Variants in TMEM178A observed in about 807,000 individuals in gnomAD.
TMEM178A encodes transmembrane protein 178.
In TMEM178A, 12 loss-of-function variants were observed where a neutral mutation model predicts 29.1. The observed-to-expected ratio is 0.41, with a 90% CI of 0.26 to 0.67. TMEM178A has a LOEUF of 0.67. Among genes scored for constraint, TMEM178A ranks in the 30% least tolerant of loss-of-function variants. TMEM178A has a pLI of 0.29. For missense variants in TMEM178A, 366 were observed against 419.1 expected, an observed-to-expected ratio of 0.87 and a Z score of 1.11; for synonymous variants, 210 against 187.2, an observed-to-expected ratio of 1.12 and a Z score of -0.99.
At chr2:39,731,993 G>A in the TMEM178A span, among the ~76,000 whole-genome samples, 1 of 152,032 alleles carries the variant, frequency 6.6e-6, no homozygotes, top group Non-Finnish European at 1.5e-5. Flanking sequence ...CCTATATTGG[G>A]GTCTAGTATA....
At chr2:39,730,570 C>T in the TMEM178A span, among the ~76,000 whole-genome samples, 1 of 152,082 alleles carries the variant, frequency 6.6e-6, no homozygotes, top group South Asian at 2.1e-4. Context: ...TCATGGTTGC[C>T]CTGTAAGAAA....
chr2:39,719,494 G>A (rs1384714109), downstream of TMEM178A, among the ~76,000 whole-genome samples: 1 of 152,310 alleles, frequency 6.6e-6, no homozygotes, highest in Admixed American at 6.5e-5. Flanking sequence ...AAGTGAGCTC[G>A]AAGCAACCAA....
the TMEM178A span, among the ~76,000 whole-genome samples, chr2:39,727,148 T>C: frequency 1.3e-5 from 2 of 152,202 alleles, no homozygotes; most frequent in African/African-American, 4.8e-5. Flanking sequence ...AGGATATTCC[T>C]CTATCTCAGA....
At chr2:39,721,544 G>T (rs902425907), downstream of TMEM178A, among the ~76,000 whole-genome samples, 2 of 152,122 alleles carry the variant, frequency 1.3e-5, no homozygotes, top group African/African-American at 4.8e-5. Flanking sequence ...CAGGACCATG[G>T]GTCTAGAGCA....
chr2:39,688,440 C>T (rs1302432842), intron 1 of TMEM178A, among the ~76,000 whole-genome samples: 1 of 152,264 alleles, frequency 6.6e-6, no homozygotes, highest in African/African-American at 2.4e-5. Context: ...CTTCCTGCTG[C>T]TGCCACTAAT....
chr2:39,689,285 A>T (rs1671214620), intron 1 of TMEM178A, among the ~76,000 whole-genome samples: 1 of 152,178 alleles, frequency 6.6e-6, no homozygotes, highest in African/African-American at 2.4e-5. Flanking sequence ...GAAATTGCTA[A>T]AGCCATTAAT....
At chr2:39,703,138 G>A (rs945672985) in intron 1 of TMEM178A, among the ~76,000 whole-genome samples, 1 of 151,928 alleles carries the variant, frequency 6.6e-6, no homozygotes, top group African/African-American at 2.4e-5. Context: ...TTTTTTAAAT[G>A]GCTGGCAGTG....
intron 2 of TMEM178A, among the ~76,000 whole-genome samples, chr2:39,706,540 A>C (rs968316473): frequency 1.3e-5 from 2 of 152,210 alleles, no homozygotes; most frequent in African/African-American, 4.8e-5. Flanking sequence ...GATCAGATAA[A>C]ACCCTATTTC....
At chr2:39,732,406 G>A in the TMEM178A span, among the ~76,000 whole-genome samples, 1 of 152,118 alleles carries the variant, frequency 6.6e-6, no homozygotes, top group Non-Finnish European at 1.5e-5. Context: ...CATGAGTGCC[G>A]TCAGCCATGT....
At chr2:39,728,244 T>C in the TMEM178A span, among the ~76,000 whole-genome samples, 2 of 152,220 alleles carry the variant, frequency 1.3e-5, no homozygotes, top group East Asian at 1.9e-4. Flanking sequence ...TTTTTAATGA[T>C]TGCCATTCTA....
At chr2:39,735,700 T>C in the TMEM178A span, among the ~76,000 whole-genome samples, 2 of 152,200 alleles carry the variant, frequency 1.3e-5, no homozygotes, top group Non-Finnish European at 2.9e-5. Context: ...AAAAATGAAA[T>C]GTATTCAAGA....
Position 39,707,061 on chromosome 2 carries a change from T to C in TMEM178A, c.527T>C (p.Ile176Thr). 6.2e-7 allele frequency: 1 copy of C among 1,604,760 alleles called. No individual in the cohort carries two copies. Among genetic ancestry groups the C allele is most frequent in the Non-Finnish European group, 8.5e-7 (1 of 1,177,358 alleles). Residue 176 changes from isoleucine (I) to threonine (T), a missense_variant, in exon 3 of 4, where the codon ATC becomes ACC. Around this residue, in one of 2 missense-constraint regions of TMEM178A, gnomAD observed 119 missense variants for 172.2 expected, o/e 0.69. Coordinates refer to ENST00000281961, the MANE Select transcript of TMEM178A (RefSeq NM_152390.3). The part of the protein sequence containing the change: ...DEWHLLHLRR[I>T]TAGFLGMAVA... ...GTTTTGAGATTAGATTTAAGAAGAA[T>C]CACTGCTGGCTTCCTCGGCATGGCC...
intron 1 of TMEM178A, among the ~76,000 whole-genome samples, chr2:39,674,523 G>A (rs1250108632): frequency 6.6e-6 from 1 of 152,062 alleles, no homozygotes; most frequent in Non-Finnish European, 1.5e-5. Flanking sequence ...AGGAAGAGCG[G>A]GAGTGGGGCG....
At chr2:39,699,616 C>T (rs1671695863) in intron 1 of TMEM178A, among the ~76,000 whole-genome samples, 1 of 151,952 alleles carries the variant, frequency 6.6e-6, no homozygotes, top group Non-Finnish European at 1.5e-5. Context: ...GCCATCATGC[C>T]TGGCTAATTT....
At chr2:39,696,394 C>T (rs2148087399) in intron 1 of TMEM178A, among the ~76,000 whole-genome samples, 1 of 152,254 alleles carries the variant, frequency 6.6e-6, no homozygotes, top group East Asian at 1.9e-4. Flanking sequence ...TGGGCAGGTG[C>T]CAAGAGGGAA....
At position 39,717,277 on chromosome 2, in the gene TMEM178A, T is replaced by C; in HGVS notation, c.*26T>C. On this transcript the variant is annotated 3_prime_UTR_variant, in exon 4 of 4. Transcript: ENST00000281961. ...CTGTCCTCACTGGGCCTGTCCACAG[T>C]GCGAGCGACTCCTGAGGGGAACAGC... is the stretch of plus-strand genomic sequence containing the variant. The C allele has an allele frequency of 6.2e-7, 1 of 1,608,006 alleles. No individual in the cohort carries two copies. The highest frequency in any genetic ancestry group is 8.5e-7 in the Non-Finnish European group (1 of 1,176,638).
intron 3 of TMEM178A, among the ~76,000 whole-genome samples, chr2:39,708,409 A>ATTTTTTTT (rs956611778): frequency 5.7e-5 from 4 of 69,678 alleles, no homozygotes; most frequent in Non-Finnish European, 7.8e-5. Flanking sequence ...GAGTGACTTG[A>ATTTTTTTT]TTTTTTTTTT....
Position 39,666,187 on chromosome 2 carries a change from C to G in TMEM178A, c.213C>G (p.Pro71=). 5 of 1,446,938 alleles carry G rather than the reference C, an allele frequency of 3.5e-6. No individual in the cohort carries two copies. The highest frequency in any genetic ancestry group is 4.5e-6 in the Non-Finnish European group (5 of 1,104,114). The allele number at this position is 1,446,938 out of a possible 1,614,324, so 89.6% of individuals were successfully genotyped here. A position where few individuals can be genotyped will look rare whatever the true frequency, so the allele number is the denominator to read the frequency against. Residue 71 remains proline, a synonymous_variant, in exon 1 of 4, where the codon CCC becomes CCG. Transcript: ENST00000281961. The part of the protein sequence containing the change: ...PLSHLPLRDS[P]PLGRRLLPGG... ...CGCACCTGCCGCTGCGGGACTCGCC[C>G]CCGCTGGGGCGCCGGCTGCTCCCGG...
the TMEM178A span, among the ~76,000 whole-genome samples, chr2:39,732,623 T>C: frequency 1.3e-5 from 2 of 152,176 alleles, no homozygotes; most frequent in African/African-American, 2.4e-5. Flanking sequence ...TTAACTTGCA[T>C]AGGAGAGCTT....
Sources: gnomAD v4.1 joint callset for allele counts (sites outside exome capture counted in the v4.1 genomes callset) on GRCh38, gnomAD v4.1.1 for gene constraint, gnomAD v4.1.1 regional missense constraint, MANE v1.5 for transcripts, NCBI Gene and HGNC (gene_info 2026-07-23, HGNC 2026-07-21) for gene names.